The following EML1 variants were observed in gnomAD, a reference collection of about 807,000 sequenced individuals.
EML1 encodes the protein echinoderm microtubule-associated protein-like 1.
A neutral mutation model predicts 110.4 loss-of-function variants in EML1; 27 were observed. That is an observed-to-expected ratio of 0.24 (90% CI 0.18 to 0.34). The LOEUF (loss-of-function observed/expected upper bound fraction) is 0.34, where lower values mean the gene tolerates loss of function less well. Ranked by LOEUF, EML1 falls within the 10% of genes least tolerant of loss-of-function variation. The pLI is 1.00. For synonymous variants in EML1, 344 were observed against 385.8 expected, an observed-to-expected ratio of 0.89 and a Z score of 1.27; for missense variants, 741 against 1,030.9, an observed-to-expected ratio of 0.72 and a Z score of 3.85.
At chr14:99,815,552 T>C (rs1053949864) in intron 1 of EML1, among the ~76,000 whole-genome samples, 59 of 152,224 alleles carry the variant, frequency 3.9e-4, no homozygotes, top group Non-Finnish European at 6.5e-4. Flanking sequence ...TGATCTATTT[T>C]TCTTCTGCAA....
chr14:99,845,894 A>G (rs1465246664), intron 1 of EML1, among the ~76,000 whole-genome samples: 1 of 152,044 alleles, frequency 6.6e-6, no homozygotes, highest in African/African-American at 2.4e-5. Context: ...TACTAAAAAT[A>G]CAAAAATTAG....
At chr14:99,762,663 G>A (rs1243375377) in intron 1 of EML1, among the ~76,000 whole-genome samples, 3 of 152,182 alleles carry the variant, frequency 2.0e-5, no homozygotes, top group Non-Finnish European at 4.4e-5. Flanking sequence ...GTCAGGTGTG[G>A]TGTCACATGC....
chr14:99,778,468 G>A (rs1329217549), intron 1 of EML1, among the ~76,000 whole-genome samples: 1 of 151,950 alleles, frequency 6.6e-6, no homozygotes, highest in African/African-American at 2.4e-5. Context: ...CATTTCTCCG[G>A]AGCCTCTGTT....
At chr14:99,826,304 G>C (rs995435656) in intron 1 of EML1, among the ~76,000 whole-genome samples, 7 of 151,874 alleles carry the variant, frequency 4.6e-5, no homozygotes, top group African/African-American at 1.7e-4. Context: ...GTAGACACAG[G>C]GTTTTGCCAT....
intron 1 of EML1, among the ~76,000 whole-genome samples, chr14:99,750,735 G>A (rs932276202): frequency 5.9e-5 from 9 of 152,130 alleles, no homozygotes; most frequent in Non-Finnish European, 1.2e-4. Flanking sequence ...GAAGGAGGGA[G>A]GAAGGCAGGA....
At chr14:99,929,239 G>A (rs995238403) in intron 17 of EML1, among the ~76,000 whole-genome samples, 1 of 152,210 alleles carries the variant, frequency 6.6e-6, no homozygotes, top group Non-Finnish European at 1.5e-5. Context: ...CGGGCCAACC[G>A]CATTTGAATC....
intron 11 of EML1, among the ~76,000 whole-genome samples, chr14:99,909,971 C>G (rs2059919484): frequency 6.6e-6 from 1 of 152,136 alleles, no homozygotes; most frequent in Admixed American, 6.5e-5. Flanking sequence ...CCGGTCAGTA[C>G]CCTCCTCCGC....
At chr14:99,780,633 C>T (rs1042062661) in intron 1 of EML1, among the ~76,000 whole-genome samples, 4 of 152,100 alleles carry the variant, frequency 2.6e-5, no homozygotes, top group African/African-American at 4.8e-5. Flanking sequence ...CATCACGTGC[C>T]GCATCATGAT....
rs2059331628 is a variant in EML1 at position 99,878,518 on chromosome 14, G to A, written c.417G>A (p.Val139=). ...AGAGGACCAGCTCTTCTGAACGAGT[G>A]TCTCCTGGGGGTCGAAGGGAAAGCA... ...NIKRTSSSER[V]SPGGRRESNG... The change falls in exon 4 of 22, where the codon GTG becomes GTA. Residue 139 remains valine, a synonymous_variant. Transcript: ENST00000262233. 1 of 1,613,936 alleles carries A rather than the reference G, an allele frequency of 6.2e-7. No homozygotes were observed. The highest frequency in any genetic ancestry group is 1.7e-5 in the Admixed American group (1 of 59,978).
intron 1 of EML1, among the ~76,000 whole-genome samples, chr14:99,847,291 CG>C (rs1566895505): frequency 6.6e-6 from 1 of 152,164 alleles, no homozygotes; most frequent in African/African-American, 2.4e-5. Context: ...GTTTTCTCTA[CG>C]TATCAGTTAA....
upstream of EML1, among the ~76,000 whole-genome samples, chr14:99,791,001 G>T (rs897375530): frequency 6.6e-6 from 1 of 151,964 alleles, no homozygotes; most frequent in Non-Finnish European, 1.5e-5. Flanking sequence ...AGGACTATAG[G>T]TGCACACCAC....
chr14:99,741,141 C>G (rs1461003305), intron 1 of EML1, among the ~76,000 whole-genome samples: 1 of 152,212 alleles, frequency 6.6e-6, no homozygotes, highest in African/African-American at 2.4e-5. Context: ...AGTCACTTAA[C>G]TTCTGTGAGC....
intron 10 of EML1, 132 bp from the exon 11 acceptor site, chr14:99,909,213 G>A (rs1231720453): frequency 5.9e-6 from 8 of 1,357,204 alleles, no homozygotes; most frequent in African/African-American, 5.7e-5. Flanking sequence ...TGGATTCAAT[G>A]GGGGAAATAA....
intron 1 of EML1, among the ~76,000 whole-genome samples, chr14:99,813,737 A>G (rs1286524248): frequency 6.6e-6 from 1 of 152,122 alleles, no homozygotes; most frequent in Non-Finnish European, 1.5e-5. Context: ...AACTATAGAG[A>G]TGGAGGAGGA....
At chr14:99,876,002 C>T (rs563956812) in intron 3 of EML1, among the ~76,000 whole-genome samples, 1 of 152,248 alleles carries the variant, frequency 6.6e-6, no homozygotes, top group Admixed American at 6.5e-5. Context: ...CAGATAATCA[C>T]CCTGAGAGTG....
rs187088489 is a variant in EML1 at position 99,922,312 on chromosome 14, C to T, written c.1909+1435C>T. Among the ~76,000 whole-genome samples the T allele has an allele frequency of 2.3e-4, 35 of 152,210 alleles. 1 individual carries two copies. Among genetic ancestry groups the T allele is most frequent in the Admixed American group, 6.5e-4 (10 of 15,294 alleles). ...TGTATTTTTAGTAGTGATGGGATTTCGCCATATTGGCCAGGCTGGTCTCAA... is the reference window on the plus strand; with the variant it reads ...TGTATTTTTAGTAGTGATGGGATTTTGCCATATTGGCCAGGCTGGTCTCAA... On this transcript the variant is annotated intron_variant, in intron 17 of 21. Coordinates refer to ENST00000262233, the MANE Select transcript of EML1 (RefSeq NM_004434.3).
intron 1 of EML1, among the ~76,000 whole-genome samples, chr14:99,767,411 G>C (rs754058568): frequency 1.3e-5 from 2 of 152,212 alleles, no homozygotes; most frequent in Admixed American, 6.5e-5. Flanking sequence ...CGACCATCCT[G>C]GCCAACATGG....
intron 4 of EML1, 151 bp downstream of exon 4, chr14:99,878,770 CAA>C (rs2059337149): frequency 1.7e-6 from 2 of 1,204,348 alleles, no homozygotes; most frequent in African/African-American, 3.1e-5. Flanking sequence ...TAGGACTAAT[CAA>C]ACAGCCATTT....
intron 4 of EML1, among the ~76,000 whole-genome samples, chr14:99,885,108 TAC>T (rs2139962124): frequency 6.6e-6 from 1 of 152,372 alleles, no homozygotes; most frequent in South Asian, 2.1e-4. Context: ...GTATCTCTAG[TAC>T]TTTACACAGC....
Sources: gnomAD v4.1 joint callset for allele counts (sites outside exome capture counted in the v4.1 genomes callset) on GRCh38, gnomAD v4.1.1 for gene constraint, MANE v1.5 for transcripts, NCBI Gene and HGNC (gene_info 2026-07-23, HGNC 2026-07-21) for gene names.